Variants in SLC25A24 observed in about 807,000 individuals in gnomAD.
The protein encoded by SLC25A24 is solute carrier family 25 member 24.
Under a neutral mutation model 60.7 loss-of-function variants are expected in SLC25A24, and 49 were observed. That is an observed-to-expected ratio of 0.81 (90% CI 0.64 to 1.02). SLC25A24 has a LOEUF of 1.02. Ranked by LOEUF, SLC25A24 falls within the 50% of genes least tolerant of loss-of-function variation. The pLI is 0.00. For missense variants in SLC25A24, 564 were observed against 586.3 expected (o/e 0.96, Z 0.39); for synonymous variants, 202 against 200.6 (o/e 1.01, Z -0.06).
chr1:108,163,495 T>G (rs1223023598), intron 3 of SLC25A24, among the ~76,000 whole-genome samples: 3 of 151,482 alleles, frequency 2.0e-5, no homozygotes, highest in Non-Finnish European at 1.5e-5. Flanking sequence ...CAGTTCTCCT[T>G]GAAGAGGTCC....
rs578230673 is a variant in SLC25A24, at chr1:108,198,340, A to G, written c.183+1616T>C. Among the ~76,000 whole-genome samples, 26 of 152,332 alleles carry G rather than the reference A, an allele frequency of 1.7e-4. No homozygotes were observed. The East Asian group carries it at 1.9e-3, about 11-fold the overall frequency. ...GTGGAGAAGCAAGCACTGTCAGTCAAAAGAGTGAAAATGGGTCTAAGGTTT... is the reference window on the plus strand; with the variant it reads ...GTGGAGAAGCAAGCACTGTCAGTCAGAAGAGTGAAAATGGGTCTAAGGTTT... On this transcript the variant is annotated intron_variant, in intron 1 of 9. Transcript: ENST00000565488.
intron 6 of SLC25A24, among the ~76,000 whole-genome samples, chr1:108,150,714 A>C (rs10494090): frequency 6.6e-6 from 1 of 151,894 alleles, no homozygotes; most frequent in Non-Finnish European, 1.5e-5. Flanking sequence ...GTAATCAAAG[A>C]CTAATCCTTT....
chr1:108,155,949 A>AC (rs1679885816), intron 5 of SLC25A24, among the ~76,000 whole-genome samples: 6 of 90,620 alleles, frequency 6.6e-5, no homozygotes, highest in Non-Finnish European at 1.3e-4. Context: ...GACTACCACT[A>AC]AACACACACA....
chr1:108,192,813 G>T lies in SLC25A24; in HGVS notation c.184-6859C>A. On this transcript the variant is annotated intron_variant, in intron 1 of 9. Coordinates refer to ENST00000565488, the MANE Select transcript of SLC25A24 (RefSeq NM_013386.5). The stretch of plus-strand genomic sequence containing the variant: ...CTGGAAGGAGAGGGCTCATCCTAAC[G>T]GCTTCAGCGCAAAGGCGCGAGCGCG... 2.4e-6 allele frequency: 3 copies of T among 1,248,684 alleles called. 1 individual carries two copies. Among genetic ancestry groups the T allele is most frequent in the Non-Finnish European group, 3.1e-6 (3 of 982,304 alleles). 77.4% of individuals were successfully genotyped at this position (1,248,684 alleles called of 1,614,324 possible). A position where few individuals can be genotyped will look rare whatever the true frequency, so the allele number is the denominator to read the frequency against.
chr1:108,170,048 C>T (rs377618090), intron 3 of SLC25A24, among the ~76,000 whole-genome samples: 5 of 152,018 alleles, frequency 3.3e-5, no homozygotes, highest in African/African-American at 1.2e-4. Flanking sequence ...CTACCTTCTT[C>T]GAGATTATTC....
rs2101589948 is a variant in SLC25A24 at position 108,134,231 on chromosome 1, A to G, written c.*2422T>C. The G allele has an allele frequency of 6.6e-6, 1 of 152,354 alleles. No homozygotes were observed. Among genetic ancestry groups the G allele is most frequent in the Non-Finnish European group, 1.5e-5 (1 of 68,038 alleles). The allele number at this position is 152,354 out of a possible 1,614,324, so 9.4% of individuals were successfully genotyped here. ...GGGCAGGGAACTGCCAGTGTCTGCT[A>G]CAGCCATCTCACCTGTCAGGTATCC... On this transcript the variant is annotated 3_prime_UTR_variant, in exon 10 of 10. Coordinates refer to ENST00000565488, the MANE Select transcript of SLC25A24 (RefSeq NM_013386.5).
chr1:108,154,073 A>T (rs1258558997), intron 6 of SLC25A24, among the ~76,000 whole-genome samples: 3 of 133,476 alleles, frequency 2.2e-5, no homozygotes, highest in East Asian at 2.2e-4. Flanking sequence ...ATTTTCTTTA[A>T]TTTTTTTTTT....
At chr1:108,171,673 C>A (rs1647466900) in intron 3 of SLC25A24, among the ~76,000 whole-genome samples, 1 of 152,200 alleles carries the variant, frequency 6.6e-6, no homozygotes, top group Admixed American at 6.5e-5. Context: ...ACCAGATACA[C>A]ATGGTCTGTG....
intron 3 of SLC25A24, among the ~76,000 whole-genome samples, chr1:108,175,700 T>C (rs552063245): frequency 3.3e-5 from 5 of 151,108 alleles, no homozygotes; most frequent in Non-Finnish European, 7.4e-5. Flanking sequence ...AAAAAAAAAA[T>C]AAAAATCAAA....
intron 3 of SLC25A24, among the ~76,000 whole-genome samples, chr1:108,172,938 T>A (rs1571300032): frequency 6.6e-6 from 1 of 151,596 alleles, no homozygotes; most frequent in South Asian, 2.1e-4. Flanking sequence ...AATAACAATA[T>A]CCCAAAAGTA....
intron 4 of SLC25A24, among the ~76,000 whole-genome samples, chr1:108,160,887 C>T (rs555178220): frequency 6.6e-6 from 1 of 152,048 alleles, no homozygotes; most frequent in South Asian, 2.1e-4. Flanking sequence ...TGCAGTGAGC[C>T]GAGATGGCAG....
Position 108,182,180 on chromosome 1 carries a change from T to C in SLC25A24, c.311-152A>G, listed in dbSNP as rs570419079. The C allele has an allele frequency of 1.0e-3, 548 of 548,134 alleles. 1 individual carries two copies. The highest frequency in any genetic ancestry group is 3.3e-3 in the Middle Eastern group (7 of 2,108). The allele number at this position is 548,134 out of a possible 1,614,324, so 34.0% of individuals were successfully genotyped here. ...TGAGTTATAGACTTGCTTAAATGCC[T>C]ATCCCAACATCAATACTAAAAATGT... On this transcript the variant is annotated intron_variant, in intron 2 of 9. Transcript: ENST00000565488.
chr1:108,160,983 G>A (rs1680061169), intron 4 of SLC25A24, among the ~76,000 whole-genome samples, 199 bp downstream of exon 4: 1 of 151,930 alleles, frequency 6.6e-6, no homozygotes, highest in African/African-American at 2.4e-5. Flanking sequence ...GAGAGAGAGG[G>A]AGAGGGAGAG....
At chr1:108,166,769 C>T (rs562522433) in intron 3 of SLC25A24, among the ~76,000 whole-genome samples, 12 of 152,322 alleles carry the variant, frequency 7.9e-5, no homozygotes, top group African/African-American at 2.9e-4. Flanking sequence ...GTAATTTGAT[C>T]GTCTGAAGCC....
In SLC25A24 at chr1:108,192,615, A is replaced by T. The variant is rs144382466; in HGVS notation, c.184-6661T>A. On this transcript the variant is annotated intron_variant, in intron 1 of 9. Coordinates refer to ENST00000565488, the MANE Select transcript of SLC25A24 (RefSeq NM_013386.5). Reference sequence around the variant, plus strand: ...TACCAAAAGAGATCTCCGTAGAGGGAGTCCATCGAGGATGTCTCCCTCGCA... The same window carrying T: ...TACCAAAAGAGATCTCCGTAGAGGGTGTCCATCGAGGATGTCTCCCTCGCA... 2.3e-4 allele frequency: 343 copies of T among 1,496,144 alleles called. 60 individuals carry two copies. The highest frequency in any genetic ancestry group is 2.9e-4 in the Non-Finnish European group (326 of 1,112,294). The allele number at this position is 1,496,144 out of a possible 1,614,324, so 92.7% of individuals were successfully genotyped here.
At chr1:108,198,751 C>G (rs1258383287) in intron 1 of SLC25A24, 1 of 152,174 alleles carries the variant, frequency 6.6e-6, no homozygotes, top group Non-Finnish European at 1.5e-5. Context: ...TTCAAAGGCA[C>G]CTACTGTGAG....
At chr1:108,199,756 G>T (rs975609437) in intron 1 of SLC25A24, 200 bp downstream of exon 1, 2 of 595,786 alleles carry the variant, frequency 3.4e-6, no homozygotes, top group Non-Finnish European at 6.0e-6. Flanking sequence ...GTAGACTTTC[G>T]TATTATGACC....
intron 3 of SLC25A24, among the ~76,000 whole-genome samples, chr1:108,166,400 G>A (rs1326018857): frequency 6.6e-6 from 1 of 151,806 alleles, no homozygotes; most frequent in East Asian, 1.9e-4. Flanking sequence ...TTCCAACTTG[G>A]TTCCATTCTC....
chr1:108,150,147 C>T (rs1037073249), intron 6 of SLC25A24, among the ~76,000 whole-genome samples: 3 of 152,092 alleles, frequency 2.0e-5, no homozygotes, highest in African/African-American at 7.2e-5. Flanking sequence ...TTGAAGGTAC[C>T]TTTTATACCT....
Sources: gnomAD v4.1 joint callset for allele counts (sites outside exome capture counted in the v4.1 genomes callset) on GRCh38, gnomAD v4.1.1 for gene constraint, MANE v1.5 for transcripts, NCBI Gene and HGNC (gene_info 2026-07-23, HGNC 2026-07-21) for gene names.